WASHC2C: variants seen among roughly 807,000 people sequenced by gnomAD.
The protein encoded by WASHC2C is Vaccinia Penetration Factor.
Under a neutral mutation model 142.2 loss-of-function variants are expected in WASHC2C, and 73 were observed. That is an observed-to-expected ratio of 0.51 (90% CI 0.43 to 0.62). WASHC2C has a LOEUF of 0.62. WASHC2C is among the 20% of genes least tolerant of loss of function. The pLI is 0.00. For synonymous variants in WASHC2C, 337 were observed against 565.5 expected (o/e 0.60, Z 5.73); for missense variants, 969 against 1,531.7 (o/e 0.63, Z 6.13).
At chr10:45,784,928 G>T (rs1554889443) in intron 25 of WASHC2C, 27 bp downstream of exon 25, 2 of 1,604,968 alleles carry the variant, frequency 1.2e-6, no homozygotes, top group Admixed American at 3.5e-5. Context: ...CTCAATACTG[G>T]GTTGTGTGGG....
rs1424189915 is a variant in WASHC2C at position 45,788,923 on chromosome 10, G to A, written c.3140G>A (p.Arg1047Gln). ...KRRPQTRAAR[R>Q]LAAQESSEAE... ...AGACCGCAGACCCGTGCAGCTAGGC[G>A]GCTGGCTGCTCAGGAGTCCAGCGAG... The change falls in exon 29 of 31, where the codon CGG becomes CAG. Residue 1047 changes from arginine (R) to glutamine (Q), a missense_variant. Physicochemically the swap from Arg to Gln is conservative, Grantham distance 43 (BLOSUM62 1). Transcript: ENST00000623400. The A allele has an allele frequency of 2.7e-5, 44 of 1,612,062 alleles. 1 individual carries two copies. The South Asian group carries it at 3.4e-4, about 12-fold the overall frequency.
intron 21 of WASHC2C, among the ~76,000 whole-genome samples, chr10:45,773,744 T>A (rs1387064944): frequency 1.3e-5 from 2 of 152,124 alleles, no homozygotes; most frequent in African/African-American, 2.4e-5. Context: ...TCACATGTGC[T>A]ACAAAATGCA....
rs570699114 is a variant in WASHC2C, at chr10:45,739,046, C to T, written c.354+1001C>T. Among the ~76,000 whole-genome samples, 600 of 151,862 alleles carry T rather than the reference C, an allele frequency of 4.0e-3. 2 individuals are homozygous for T. The highest frequency in any genetic ancestry group is 6.2e-3 in the Non-Finnish European group (419 of 67,960). On this transcript the variant is annotated intron_variant, in intron 4 of 30. Transcript: ENST00000623400. Reference sequence around the variant, plus strand: ...TAATAGAACTCAAGGATTTGCTAGCCATTTAAGTGCAGTAGTATCTGGTTA... The same window carrying T: ...TAATAGAACTCAAGGATTTGCTAGCTATTTAAGTGCAGTAGTATCTGGTTA...
chr10:45,764,629 G>A lies in WASHC2C; in HGVS notation c.1738-1050G>A, dbSNP rs2437375. Among the ~76,000 whole-genome samples, 434 of 152,078 alleles carry A rather than the reference G, an allele frequency of 2.9e-3. 3 individuals carry two copies. Among genetic ancestry groups the A allele is most frequent in the Non-Finnish European group, 4.8e-3 (325 of 68,030 alleles). ...CCTTAACTCTCATGCAGTACTGGGC[G>A]GTGGTGAGCTCAAAGGCTTTGCCAT... On this transcript the variant is annotated intron_variant, in intron 18 of 30. Coordinates refer to ENST00000623400, the MANE Select transcript of WASHC2C (RefSeq NM_001330074.2).
intron 4 of WASHC2C, among the ~76,000 whole-genome samples, chr10:45,739,417 T>C (rs140521312): frequency 0.24 from 33,133 of 139,698 alleles, 4,299 homozygotes; most frequent in African/African-American, 0.3. Context: ...CTTGTGTCTG[T>C]GGGGACTGCC....
chr10:45,728,730 C>CA (rs57336952), intron 2 of WASHC2C, 132 bp from the exon 3 acceptor site: 95,472 of 1,044,178 alleles, frequency 0.091, 189 homozygotes, highest in East Asian at 0.11. Flanking sequence ...AACTCTCTCT[C>CA]AAAAAAAAAA....
At chr10:45,771,839 G>T (rs1170318459) in intron 20 of WASHC2C, 1 of 159,630 alleles carries the variant, frequency 6.3e-6, no homozygotes. Context: ...AAGTAGTTTG[G>T]CATTTCCTCA....
chr10:45,765,806 A>C lies in WASHC2C; in HGVS notation c.1865A>C (p.Glu622Ala), dbSNP rs1478462413. The C allele has an allele frequency of 6.2e-7, 1 of 1,611,864 alleles. No individual in the cohort carries two copies. Among genetic ancestry groups the C allele is most frequent in the African/African-American group, 1.3e-5 (1 of 74,852 alleles). Residue 622 changes from glutamate to alanine, a missense_variant, in exon 19 of 31, where the codon GAG becomes GCG. Coordinates refer to ENST00000623400, the MANE Select transcript of WASHC2C (RefSeq NM_001330074.2). ...TCTGCCCTGTTGTTCAGCAGTGATG[A>C]GGAGGTGAGCTGAGGTTTCTGCTAA... ...KASALLFSSD[E>A]EDQWNIPASQ...
Position 45,727,311 on chromosome 10 carries a change from G to C in WASHC2C, c.-7G>C. ...AGCCTCGGAGCCCACCGAGCCGGGC[G>C]GCTGGGATGGTGAGGGCGGCGGGCC... On this transcript the variant is annotated 5_prime_UTR_variant, in exon 1 of 31. Coordinates refer to ENST00000623400, the MANE Select transcript of WASHC2C (RefSeq NM_001330074.2). 6.4e-7 allele frequency: 1 copy of C among 1,572,924 alleles called. No individual in the cohort carries two copies. Among genetic ancestry groups the C allele is most frequent in the Non-Finnish European group, 8.6e-7 (1 of 1,160,440 alleles).
intron 27 of WASHC2C, 179 bp from the exon 28 acceptor site, chr10:45,786,856 G>C (rs74128820): frequency 6.5e-7 from 1 of 1,546,482 alleles, no homozygotes; most frequent in Admixed American, 1.8e-5. Context: ...GAGCCCAGTG[G>C]TGGGCATAGG....
intron 15 of WASHC2C, among the ~76,000 whole-genome samples, chr10:45,755,564 G>A (rs1363626595): frequency 6.6e-6 from 1 of 152,276 alleles, no homozygotes. Context: ...CATCCCCTTG[G>A]CCACTTTGGC....
intron 20 of WASHC2C, among the ~76,000 whole-genome samples, chr10:45,772,888 C>T (rs1415701768): frequency 6.6e-6 from 1 of 152,176 alleles, no homozygotes; most frequent in East Asian, 1.9e-4. Flanking sequence ...CATGACAATT[C>T]TGGAAATAGG....
At position 45,765,733 on chromosome 10, in the gene WASHC2C, C is replaced by G. The variant is rs781936549; in HGVS notation, c.1792C>G (p.Gln598Glu). ...GAAGCAGACATTGTCTCTACAAGCT[C>G]AGAGAGAAGAGAAAGCAAAAGCCTC... ...AKKQTLSLQA[Q>E]REEKAKASEL... Residue 598 changes from glutamine (Q) to glutamate (E), a missense_variant, in exon 19 of 31, where the codon CAG (glutamine) becomes GAG (glutamate). Transcript: ENST00000623400. 1 of 1,611,960 alleles carries G rather than the reference C, an allele frequency of 6.2e-7. No homozygotes were observed. The highest frequency in any genetic ancestry group is 8.5e-7 in the Non-Finnish European group (1 of 1,179,866).
chr10:45,754,413 G>T lies in WASHC2C; in HGVS notation c.1181-73G>T, dbSNP rs531243877. The T allele has an allele frequency of 4.4e-6, 7 of 1,604,068 alleles. No individual in the cohort carries two copies. In the South Asian group the frequency reaches 5.5e-5, roughly 13 times the overall value. On this transcript the variant is annotated intron_variant, in intron 13 of 30. Coordinates refer to ENST00000623400, the MANE Select transcript of WASHC2C (RefSeq NM_001330074.2). ...GTACTAGCTGTGTGTTACATTGCAC[G>T]TATTTCAGGAAGAAAATAGCAAGGA... is the stretch of plus-strand genomic sequence containing the variant.
At position 45,754,495 on chromosome 10, in the gene WASHC2C, C is replaced by A; in HGVS notation, c.1190C>A (p.Ser397Ter). Residue 397 changes from serine (S) to a stop codon, truncating the protein, a stop_gained, in exon 14 of 31, where the codon TCA becomes TAA. Transcript: ENST00000623400. LOFTEE classifies it high-confidence loss of function. Reference protein sequence around the residue: ...AGASVKEESSSSKPGKKIPAG... With the variant: ...AGASVKEESS ...TGCTTTCTCATTCTAGAGTCTTCATCATCCAAACCTGGAAAGAAAATCCCA... is the reference window on the plus strand; with the variant it reads ...TGCTTTCTCATTCTAGAGTCTTCATAATCCAAACCTGGAAAGAAAATCCCA... The A allele has an allele frequency of 6.3e-7, 1 of 1,596,190 alleles. No homozygotes were observed. The highest frequency in any genetic ancestry group is 1.1e-5 in the South Asian group (1 of 89,216).
At chr10:45,749,836 A>AAAATATATATATAT (rs1227809519) in intron 8 of WASHC2C, among the ~76,000 whole-genome samples, 1 of 101,768 alleles carries the variant, frequency 9.8e-6, no homozygotes, top group Admixed American at 1.1e-4. Flanking sequence ...AAAAAAAAAA[A>AAAATATATATATAT]ATATATATAT....
intron 15 of WASHC2C, 67 bp downstream of exon 15, chr10:45,755,182 A>T: frequency 6.5e-7 from 1 of 1,547,894 alleles, no homozygotes; most frequent in South Asian, 1.2e-5. Context: ...AAAGAACATA[A>T]GCTCACCTAG....
At chr10:45,791,995 T>G (rs1451760754) in intron 30 of WASHC2C, among the ~76,000 whole-genome samples, 1 of 145,652 alleles carries the variant, frequency 6.9e-6, no homozygotes, top group African/African-American at 2.5e-5. Flanking sequence ...CAAGTTACCC[T>G]TCCCTTTTTT....
At chr10:45,758,001 G>A (rs1258846798) in intron 16 of WASHC2C, among the ~76,000 whole-genome samples, 1 of 152,194 alleles carries the variant, frequency 6.6e-6, no homozygotes, top group Non-Finnish European at 1.5e-5. Flanking sequence ...CGGACAGTGT[G>A]TCTGCATTGC....
Sources: gnomAD v4.1 joint callset for allele counts (sites outside exome capture counted in the v4.1 genomes callset) on GRCh38, gnomAD v4.1.1 for gene constraint, MANE v1.5 for transcripts, NCBI Gene and HGNC (gene_info 2026-07-23, HGNC 2026-07-21) for gene names.